Variants in COPE observed in about 807,000 individuals in gnomAD.
The protein encoded by COPE is coatomer subunit epsilon.
COPE carries 19 observed loss-of-function variants against 42.1 expected under a neutral mutation model. The observed-to-expected ratio is 0.45, with a 90% CI of 0.31 to 0.66. The LOEUF (loss-of-function observed/expected upper bound fraction) is 0.66. Ranked by LOEUF, COPE falls within the 30% of genes least tolerant of loss-of-function variation. The pLI is 0.05. For missense variants in COPE, 402 were observed against 416.1 expected, an observed-to-expected ratio of 0.97 and a Z score of 0.30; for synonymous variants, 195 against 181.3, an observed-to-expected ratio of 1.08 and a Z score of -0.60.
rs1555709225 is a variant in COPE, at chr19:18,902,821, G to GA, written c.735+446dup. Reference sequence around the variant, plus strand: ...GGAAGGAAGGAAGGAAGGAAGGAAGGAAGGAAGAAAAGACTGCAGACATCA... The same window carrying GA: ...GGAAGGAAGGAAGGAAGGAAGGAAGGAAAGGAAGAAAAGACTGCAGACATCA... On this transcript the variant is annotated intron_variant, in intron 7 of 9. Transcript: ENST00000262812. Among the ~76,000 whole-genome samples, 3 of 29,662 alleles carry GA rather than the reference G, an allele frequency of 1.0e-4. 1 individual carries two copies. Among genetic ancestry groups the GA allele is most frequent in the African/African-American group, 9.8e-4 (3 of 3,066 alleles). 19.5% of individuals were successfully genotyped at this position (29,662 alleles called of 152,430 possible).
Position 18,902,729 on chromosome 19 carries a change from GA to G in COPE, c.735+538del, listed in dbSNP as rs1396941021. Reference sequence around the variant, plus strand: ...AGGAAAGGAAGGAAAGGAAAGGAAGGAAAGGAAGGAAAGGAAGGAAAGGAAG... The same window carrying G: ...AGGAAAGGAAGGAAAGGAAAGGAAGGAAGGAAGGAAAGGAAGGAAAGGAAG... On this transcript the variant is annotated intron_variant, in intron 7 of 9. Coordinates refer to ENST00000262812, the MANE Select transcript of COPE (RefSeq NM_007263.4). Among the ~76,000 whole-genome samples the G allele has an allele frequency of 1.6e-4, 10 of 62,900 alleles. 2 individuals are homozygous for G. Among genetic ancestry groups the G allele is most frequent in the African/African-American group, 6.6e-4 (6 of 9,054 alleles). 41.3% of individuals were successfully genotyped at this position (62,900 alleles called of 152,430 possible).
chr19:18,910,683 G>T (rs1478862313), intron 3 of COPE: 1 of 463,642 alleles, frequency 2.2e-6, no homozygotes, highest in Non-Finnish European at 4.0e-6. Flanking sequence ...CTCGGTAATT[G>T]ATATTTTCAG....
At position 18,903,346 on chromosome 19, in the gene COPE, G is replaced by GAGC; in HGVS notation, c.654_656dup (p.Leu219dup). On this transcript the variant is annotated inframe_insertion, in exon 7 of 10. Transcript: ENST00000262812. ...CCATGTGGCAGGCCGCCTGCCCATT[G>GAGC]AGCAGCAGCAGGGTGGGCGAGCACT... The GAGC allele has an allele frequency of 5.6e-6, 9 of 1,612,744 alleles. No individual in the cohort carries two copies. Among genetic ancestry groups the GAGC allele is most frequent in the Non-Finnish European group, 7.6e-6 (9 of 1,179,552 alleles).
chr19:18,905,896 C>T (rs1366370947), intron 4 of COPE: 1 of 537,282 alleles, frequency 1.9e-6, no homozygotes, highest in East Asian at 3.4e-5. Context: ...CCTCCATGGG[C>T]TGTGCTTCCA....
At chr19:18,902,007 C>T (rs1194923123) in intron 7 of COPE, among the ~76,000 whole-genome samples, 2 of 151,686 alleles carry the variant, frequency 1.3e-5, no homozygotes, top group East Asian at 1.9e-4. Flanking sequence ...AGCAAAACCC[C>T]ATCTCTACTA....
At chr19:18,900,296 G>C (rs975023876) in intron 8 of COPE, 85 bp downstream of exon 8, 6 of 1,133,454 alleles carry the variant, frequency 5.3e-6, no homozygotes, top group Non-Finnish European at 7.5e-6. Context: ...TTTTCCCAGG[G>C]GCCTAGGGAT....
intron 4 of COPE, chr19:18,906,241 G>A (rs1215271888): frequency 3.6e-5 from 11 of 304,128 alleles, no homozygotes; most frequent in African/African-American, 1.9e-4. Context: ...CCAGGCTGGA[G>A]TGCAGTGGCA....
intron 3 of COPE, among the ~76,000 whole-genome samples, chr19:18,909,571 T>A (rs1460635408): frequency 1.3e-5 from 2 of 150,096 alleles, no homozygotes; most frequent in Non-Finnish European, 3.0e-5. Context: ...CAGGCTGGAG[T>A]GCACTAGTGC....
chr19:18,902,789 G>GAAAGGAAGGAAAGGAAGGAAAGGAAGGA (rs1395968617), intron 7 of COPE, among the ~76,000 whole-genome samples: 3 of 28,354 alleles, frequency 1.1e-4, no homozygotes, highest in Non-Finnish European at 2.1e-4. Context: ...AGGAAGGAAG[G>GAAAGGAAGGAAAGGAAGGAAAGGAAGGA]AAGGAAGGAA....
At chr19:18,906,679 A>C in intron 4 of COPE, 2 of 327,402 alleles carry the variant, frequency 6.1e-6, no homozygotes, top group East Asian at 5.5e-5. Context: ...GGGTGGGGAC[A>C]CAGAAACCGA....
intron 3 of COPE, among the ~76,000 whole-genome samples, chr19:18,907,443 C>T (rs1196362114): frequency 6.6e-6 from 1 of 152,196 alleles, no homozygotes; most frequent in Non-Finnish European, 1.5e-5. Flanking sequence ...TGACCATAAC[C>T]CATCAACCCT....
At chr19:18,905,674 C>T (rs747867995) in intron 4 of COPE, 45 bp from the exon 5 acceptor site, 1 of 1,561,068 alleles carries the variant, frequency 6.4e-7, no homozygotes, top group Non-Finnish European at 8.6e-7. Flanking sequence ...GCCACAGACA[C>T]ATTGCATGGC....
chr19:18,899,893 T>A lies in COPE; in HGVS notation c.859A>T (p.Ile287Phe). 1.9e-6 allele frequency: 3 copies of A among 1,613,586 alleles called. No individual in the cohort carries two copies. Among genetic ancestry groups the A allele is most frequent in the South Asian group, 1.1e-5 (1 of 91,048 alleles). Residue 287 changes from isoleucine (I) to phenylalanine (F), a missense_variant, in exon 9 of 10, where the codon ATC becomes TTC. Physicochemically the swap from Ile to Phe is conservative, Grantham distance 21 (BLOSUM62 0). Transcript: ENST00000262812. ...CTCACCTTGGCCTGGTACTCCTTGA[T>A]GAAGGGATGGGACCTGTGGGCATCC... ...LKDAHRSHPF[I>F]KEYQAKENDF...
At chr19:18,911,414 C>T (rs531301742) in intron 2 of COPE, 3 of 295,950 alleles carry the variant, frequency 1.0e-5, no homozygotes, top group East Asian at 6.6e-5. Context: ...TTGTGACATG[C>T]GCTTCTATAA....
chr19:18,905,224 G>A lies in COPE; in HGVS notation c.497+352C>T, dbSNP rs529836505. On this transcript the variant is annotated intron_variant, in intron 5 of 9. Coordinates refer to ENST00000262812, the MANE Select transcript of COPE (RefSeq NM_007263.4). Reference sequence around the variant, plus strand: ...TCCTGGACCCCCAGCCATGGCCTCCGACCTGGTGATGCCACGTGCAGGCCC... The same window carrying A: ...TCCTGGACCCCCAGCCATGGCCTCCAACCTGGTGATGCCACGTGCAGGCCC... Among the ~76,000 whole-genome samples, 403 of 152,062 alleles carry A rather than the reference G, an allele frequency of 2.7e-3. 3 individuals carry two copies. Among genetic ancestry groups the A allele is most frequent in the Non-Finnish European group, 1.5e-3 (103 of 67,944 alleles).
chr19:18,907,027 TGGA>T lies in COPE; in HGVS notation c.373_375del (p.Ser125del). ...TCCGGGTTCTGGTCGTGGAGATAGATGGAGGCGGCCATGAGCAGGAAGGTGGTG... is the reference window on the plus strand; with the variant it reads ...TCCGGGTTCTGGTCGTGGAGATAGATGGCGGCCATGAGCAGGAAGGTGGTG... On this transcript the variant is annotated inframe_deletion, in exon 4 of 10. Coordinates refer to ENST00000262812, the MANE Select transcript of COPE (RefSeq NM_007263.4). The T allele has an allele frequency of 1.2e-6, 2 of 1,600,674 alleles. No homozygotes were observed. Among genetic ancestry groups the T allele is most frequent in the Non-Finnish European group, 1.7e-6 (2 of 1,174,198 alleles).
intron 1 of COPE, among the ~76,000 whole-genome samples, chr19:18,917,913 G>A (rs1396188333): frequency 6.6e-6 from 1 of 151,928 alleles, no homozygotes; most frequent in Non-Finnish European, 1.5e-5. Context: ...ATGGGAGGCT[G>A]GGCACGGTGG....
At chr19:18,906,876 G>C in intron 4 of COPE, 84 bp downstream of exon 4, 1 of 1,423,256 alleles carries the variant, frequency 7.0e-7, no homozygotes, top group South Asian at 1.4e-5. Flanking sequence ...CATGACGACA[G>C]CCAGCGAGGC....
intron 6 of COPE, among the ~76,000 whole-genome samples, 154 bp from the exon 7 acceptor site, chr19:18,903,577 C>A (rs533840116): frequency 4.3e-4 from 66 of 152,098 alleles, no homozygotes; most frequent in African/African-American, 1.5e-3. Flanking sequence ...GGGGACTACC[C>A]GTAACTTGTA....
Sources: gnomAD v4.1 joint callset for allele counts (sites outside exome capture counted in the v4.1 genomes callset) on GRCh38, gnomAD v4.1.1 for gene constraint, MANE v1.5 for transcripts, NCBI Gene and HGNC (gene_info 2026-07-23, HGNC 2026-07-21) for gene names.